Variants in MCM9 observed in about 807,000 individuals in gnomAD.
The protein encoded by MCM9 is DNA helicase MCM9.
MCM9 carries 55 observed loss-of-function variants against 72.8 expected under a neutral mutation model. The ratio of observed to expected loss-of-function variants is 0.76; its 90% CI spans 0.61 to 0.95. The LOEUF is 0.95. Among genes scored for constraint, MCM9 ranks in the 40% least tolerant of loss-of-function variants. MCM9 has a pLI of 0.00. For synonymous variants in MCM9, 480 were observed against 503.4 expected (o/e 0.95, Z 0.62); for missense variants, 1,279 against 1,377.0 (o/e 0.93, Z 1.13).
In MCM9 at chr6:118,911,215, CCCTA is replaced by C. The variant is rs201703377; in HGVS notation, c.1150+431_1150+434del. 1,916 of 986,114 alleles carry C rather than the reference CCCTA, an allele frequency of 1.9e-3. 34 individuals carry two copies. In the African/African-American group the frequency reaches 0.031, roughly 16 times the overall value. The allele number at this position is 986,114 out of a possible 1,614,324, so 61.1% of individuals were successfully genotyped here. A position where few individuals can be genotyped will look rare whatever the true frequency, so the allele number is the denominator to read the frequency against. ...TATTTTCCAAATATTAATAAACATTCCCTACCTAAGAAATTTCAGTAGGAGCTAC... is the reference window on the plus strand; with the variant it reads ...TATTTTCCAAATATTAATAAACATTCCCTAAGAAATTTCAGTAGGAGCTAC... On this transcript the variant is annotated intron_variant, in intron 8 of 13. Coordinates refer to ENST00000619706, the MANE Select transcript of MCM9 (RefSeq NM_017696.3).
intron 8 of MCM9, chr6:118,911,043 T>C (rs1780509061): frequency 2.0e-6 from 2 of 983,646 alleles, no homozygotes; most frequent in Non-Finnish European, 2.4e-6. Flanking sequence ...ATCAAACATA[T>C]TTTTTAAAAT....
chr6:118,863,773 G>A (rs1777047385), intron 8 of MCM9, among the ~76,000 whole-genome samples: 1 of 152,138 alleles, frequency 6.6e-6, no homozygotes, highest in Non-Finnish European at 1.5e-5. Context: ...ACTCTGCAGA[G>A]AGTCCTCATC....
intron 8 of MCM9, chr6:118,908,785 T>C (rs1780338983): frequency 2.0e-5 from 3 of 152,624 alleles, no homozygotes; most frequent in African/African-American, 7.2e-5. Context: ...AGGTAGAATA[T>C]TTTCATTATT....
intron 8 of MCM9, among the ~76,000 whole-genome samples, chr6:118,880,089 A>G (rs147426984): frequency 0.01 from 1,570 of 152,166 alleles, 31 homozygotes; most frequent in African/African-American, 0.036. Context: ...AGAAAGAATA[A>G]AAAGGGCAAT....
intron 9 of MCM9, among the ~76,000 whole-genome samples, chr6:118,839,569 C>G (rs1775208990): frequency 6.6e-6 from 1 of 152,126 alleles, no homozygotes; most frequent in South Asian, 2.1e-4. Flanking sequence ...ATTTATCTAC[C>G]TACAGTCTTT....
intron 8 of MCM9, among the ~76,000 whole-genome samples, chr6:118,869,384 A>T (rs1777433525): frequency 6.6e-6 from 1 of 152,136 alleles, no homozygotes; most frequent in East Asian, 1.9e-4. Context: ...CGTTGTGCAC[A>T]TGTACCCTAG....
chr6:118,919,202 A>G (rs1472951235), intron 5 of MCM9: 2 of 152,172 alleles, frequency 1.3e-5, no homozygotes. Context: ...TAGATATATG[A>G]CCCGTAAGTA....
intron 3 of MCM9, among the ~76,000 whole-genome samples, chr6:118,929,689 T>C (rs1156666690): frequency 1.3e-5 from 2 of 152,224 alleles, no homozygotes; most frequent in Admixed American, 6.5e-5. Flanking sequence ...ATAGGAAACA[T>C]TGGCCAGACA....
intron 9 of MCM9, among the ~76,000 whole-genome samples, chr6:118,835,747 T>G (rs932774020): frequency 2.6e-5 from 4 of 152,194 alleles, no homozygotes; most frequent in African/African-American, 7.2e-5. Context: ...AAGGAGATTT[T>G]GGGTGAGACA....
chr6:118,930,286 G>A (rs1392145993), intron 3 of MCM9, among the ~76,000 whole-genome samples: 2 of 151,724 alleles, frequency 1.3e-5, no homozygotes, highest in African/African-American at 4.8e-5. Context: ...AATTTTTTTT[G>A]TATTTTTTGT....
Position 118,931,705 on chromosome 6 carries a change from T to G in MCM9, c.19A>C (p.Thr7Pro), listed in dbSNP as rs1201279413. The change falls in exon 3 of 14, where the codon ACA becomes CCA. Residue 7 changes from threonine (T) to proline (P), a missense_variant. Thr to Pro is a conservative substitution (Grantham distance 38). Coordinates refer to ENST00000619706, the MANE Select transcript of MCM9 (RefSeq NM_017696.3). ...GACTCAAACACTTGACCAACCAGTG[T>G]AACTTGATCGCTATTCATCTTGAAT... Reference protein sequence around the residue: MNSDQVTLVGQVFESYV... With the variant: MNSDQVPLVGQVFESYV... 1 of 1,611,806 alleles carries G rather than the reference T, an allele frequency of 6.2e-7. No homozygotes were observed. The highest frequency in any genetic ancestry group is 1.1e-5 in the South Asian group (1 of 90,872).
At chr6:118,879,045 G>T (rs901326121) in intron 8 of MCM9, among the ~76,000 whole-genome samples, 1 of 150,830 alleles carries the variant, frequency 6.6e-6, no homozygotes. Context: ...AACAGAGGAA[G>T]ACCCTGTCTC....
chr6:118,905,966 T>C lies in MCM9; in HGVS notation c.1150+5684A>G, dbSNP rs1330642522. The stretch of plus-strand genomic sequence containing the variant: ...AGGTCCTTATGCCAACTGGGCAAAC[T>C]AATTATTGTTCCATTACCATGGATG... On this transcript the variant is annotated intron_variant, in intron 8 of 13. Coordinates refer to ENST00000619706, the MANE Select transcript of MCM9 (RefSeq NM_017696.3). 11 of 592,538 alleles carry C rather than the reference T, an allele frequency of 1.9e-5. No homozygotes were observed. The East Asian group carries it at 3.3e-4, about 18-fold the overall frequency. 36.7% of individuals were successfully genotyped at this position (592,538 alleles called of 1,614,324 possible).
chr6:118,865,674 C>G (rs565990276), intron 8 of MCM9, among the ~76,000 whole-genome samples: 1 of 152,304 alleles, frequency 6.6e-6, no homozygotes, highest in East Asian at 1.9e-4. Flanking sequence ...CTTCATGATC[C>G]TTTCCTTTGG....
At chr6:118,916,535 T>G (rs1356246444) in intron 6 of MCM9, among the ~76,000 whole-genome samples, 1 of 151,270 alleles carries the variant, frequency 6.6e-6, no homozygotes, top group East Asian at 1.9e-4. Context: ...CTTGGCTCAT[T>G]GCAACCTCTG....
Position 118,816,125 on chromosome 6 carries a change from T to G in MCM9, c.2131A>C (p.Ser711Arg), listed in dbSNP as rs200423526. The change falls in exon 14 of 14, where the codon AGC becomes CGC. Residue 711 changes from serine (S) to arginine (R), a missense_variant. By Grantham distance (110) the Ser-to-Arg change is moderately radical. Coordinates refer to ENST00000619706, the MANE Select transcript of MCM9 (RefSeq NM_017696.3). ...IFSPGGSPEGSPVLDPPPHLE... is the reference protein window; with the variant it reads ...IFSPGGSPEGRPVLDPPPHLE... ...TGCGGTGGGGGATCTAGAACTGGGC[T>G]TCCCTCGGGGCTGCCTCCAGGAGAG... 1.9e-6 allele frequency: 3 copies of G among 1,550,332 alleles called. No homozygotes were observed. The highest frequency in any genetic ancestry group is 2.6e-6 in the Non-Finnish European group (3 of 1,146,916).
chr6:118,829,179 T>C lies in MCM9; in HGVS notation c.1397A>G (p.Gln466Arg). The C allele has an allele frequency of 6.4e-7, 1 of 1,550,640 alleles. No homozygotes were observed. Among genetic ancestry groups the C allele is most frequent in the African/African-American group, 1.4e-5 (1 of 73,146 alleles). ...ATNPKGQYDP[Q>R]ESVSVNIALG... The stretch of plus-strand genomic sequence containing the variant: ...GGCAATGTTCACAGACACGGACTCC[T>C]GGGGGTCGTACTGGCCTTTGGGGTT... Residue 466 changes from glutamine to arginine, a missense_variant, in exon 10 of 14, where the codon CAG (glutamine) becomes CGG (arginine). Physicochemically the swap from Gln to Arg is conservative, Grantham distance 43 (BLOSUM62 1). Transcript: ENST00000619706.
Position 118,911,739 on chromosome 6 carries a change from G to A in MCM9, c.1061C>T (p.Pro354Leu). 6.2e-7 allele frequency: 1 copy of A among 1,613,472 alleles called. No individual in the cohort carries two copies. The highest frequency in any genetic ancestry group is 8.5e-7 in the Non-Finnish European group (1 of 1,179,738). ...GAGGAACTGAGATTTCCCTGTGCCAGGATCCCCAACCAATAAAAGATGAGA... is the reference window on the plus strand; with the variant it reads ...GAGGAACTGAGATTTCCCTGTGCCAAGATCCCCAACCAATAAAAGATGAGA... ...GESHLLLVGD[P>L]GTGKSQFLKY... The change falls in exon 8 of 14, where the codon CCT (proline) becomes CTT (leucine). Residue 354 changes from proline (P) to leucine (L), a missense_variant. Pro to Leu is a moderately conservative substitution (Grantham distance 98). Coordinates refer to ENST00000619706, the MANE Select transcript of MCM9 (RefSeq NM_017696.3).
At position 118,877,733 on chromosome 6, in the gene MCM9, G is replaced by C. The variant is rs563696318; in HGVS notation, c.1151-21188C>G. Among the ~76,000 whole-genome samples, 14 of 152,264 alleles carry C rather than the reference G, an allele frequency of 9.2e-5. 1 individual carries two copies. Among genetic ancestry groups the C allele is most frequent in the African/African-American group, 3.4e-4 (14 of 41,544 alleles). ...AGATTGTGACCATCTGCACCAGGAG[G>C]GAGATAGGTAAAAGAGGGCTCATCA... is the stretch of plus-strand genomic sequence containing the variant. On this transcript the variant is annotated intron_variant, in intron 8 of 13. Transcript: ENST00000619706.
Sources: allele counts gnomAD v4.1 joint callset (sites outside exome capture counted in the v4.1 genomes callset), GRCh38; gene constraint gnomAD v4.1.1; transcripts MANE v1.5; gene names NCBI Gene and HGNC (gene_info 2026-07-23, HGNC 2026-07-21).